Variants in MLLT10 observed in about 807,000 individuals in gnomAD.
MLLT10 encodes the protein MLLT10 histone lysine methyltransferase DOT1L cofactor, also known as protein AF-10.
In MLLT10, 30 loss-of-function variants were observed where a neutral mutation model predicts 129.1. The ratio of observed to expected loss-of-function variants is 0.23; its 90% confidence interval spans 0.17 to 0.32. The LOEUF (loss-of-function observed/expected upper bound fraction) is 0.32. Among genes scored for constraint, MLLT10 ranks in the 10% least tolerant of loss-of-function variants. The probability of loss-of-function intolerance (pLI) is 1.00; values close to 1 mark genes in which losing one functional copy is unlikely to be tolerated. For synonymous variants in MLLT10, 490 were observed against 446.4 expected, an observed-to-expected ratio of 1.10 and a Z score of -1.23; for missense variants, 1,119 against 1,268.3, an observed-to-expected ratio of 0.88 and a Z score of 1.79.
rs562378950 is a variant in MLLT10 at position 21,692,236 on chromosome 10, A to C, written c.1699+9979A>C. On this transcript the variant is annotated intron_variant, in intron 13 of 22. Coordinates refer to ENST00000307729, the MANE Select transcript of MLLT10 (RefSeq NM_001195626.3). ...ACTTCCATTCTAAGGAAATGTACAA[A>C]ATATGAAAAGACTAGACATACAGAG... is the stretch of plus-strand genomic sequence containing the variant. 2.0e-5 allele frequency among the ~76,000 whole-genome samples: 3 copies of C among 152,120 alleles called. No individual in the cohort carries two copies. The South Asian group carries it at 6.2e-4, about 32-fold the overall frequency.
intron 8 of MLLT10, among the ~76,000 whole-genome samples, chr10:21,633,051 C>T (rs189400714): frequency 1.3e-5 from 2 of 152,154 alleles, no homozygotes; most frequent in East Asian, 3.8e-4. Flanking sequence ...GATTGTTCAT[C>T]ACTATGGTAG....
In MLLT10 at chr10:21,553,015, G is replaced by A. The variant is rs1365292010; in HGVS notation, c.240+14103G>A. Among the ~76,000 whole-genome samples the A allele has an allele frequency of 3.3e-5, 5 of 152,012 alleles. No homozygotes were observed. In the South Asian group the frequency reaches 8.3e-4, roughly 25 times the overall value. On this transcript the variant is annotated intron_variant, in intron 3 of 22. Coordinates refer to ENST00000307729, the MANE Select transcript of MLLT10 (RefSeq NM_001195626.3). ...CTTAGGCTTGCTGGAGCATCCTAAG[G>A]AACATCCCTTCACCATTATCTTGGA...
At chr10:21,547,478 C>T in intron 3 of MLLT10, among the ~76,000 whole-genome samples, 1 of 150,174 alleles carries the variant, frequency 6.7e-6, no homozygotes, top group Middle Eastern at 3.4e-3. Context: ...TCATGTGATC[C>T]TCTCACCTTA....
chr10:21,580,887 T>C (rs1168602063), intron 3 of MLLT10, among the ~76,000 whole-genome samples: 2 of 148,274 alleles, frequency 1.3e-5, no homozygotes, highest in Non-Finnish European at 3.0e-5. Flanking sequence ...TTTTTTTTTT[T>C]TTTTTTAGTA....
chr10:21,632,948 C>A (rs1379334873), intron 8 of MLLT10, among the ~76,000 whole-genome samples: 2 of 151,998 alleles, frequency 1.3e-5, no homozygotes, highest in African/African-American at 4.8e-5. Flanking sequence ...ATAAATAAAT[C>A]TCTTAGGATC....
At chr10:21,566,004 G>A (rs1261523563) in intron 3 of MLLT10, among the ~76,000 whole-genome samples, 3 of 138,546 alleles carry the variant, frequency 2.2e-5, no homozygotes, top group Non-Finnish European at 4.5e-5. Flanking sequence ...CCTGGGTAGA[G>A]TGCAGTGGTA....
intron 14 of MLLT10, among the ~76,000 whole-genome samples, chr10:21,717,611 TTCCTCCTCTTCCTCC>T (rs1180022825): frequency 8.8e-6 from 1 of 113,640 alleles, no homozygotes; most frequent in Non-Finnish European, 1.8e-5. Flanking sequence ...CTTCCTCTTC[TTCCTCCTCTTCCTCC>T]TCCTCCTCCT....
In MLLT10 at chr10:21,586,275, TC is replaced by T. The variant is rs1214860062; in HGVS notation, c.241-18del. ...TAATCTGAAATATTCATTACCTGTT[TC>T]TTTTTTTTTTTTTATAGAGATGTGA... On this transcript the variant is annotated intron_variant, in intron 3 of 22. Transcript: ENST00000307729. 4.7e-6 allele frequency: 7 copies of T among 1,505,200 alleles called. No homozygotes were observed. Among genetic ancestry groups the T allele is most frequent in the South Asian group, 1.2e-5 (1 of 80,764 alleles). The allele number at this position is 1,505,200 out of a possible 1,614,324, so 93.2% of individuals were successfully genotyped here.
intron 8 of MLLT10, among the ~76,000 whole-genome samples, chr10:21,641,992 C>A (rs2048049390): frequency 6.6e-6 from 1 of 152,160 alleles, no homozygotes; most frequent in African/African-American, 2.4e-5. Context: ...GGATCATGGT[C>A]TAACACTTGA....
intron 3 of MLLT10, among the ~76,000 whole-genome samples, chr10:21,559,952 G>T (rs1291665943): frequency 6.6e-6 from 1 of 151,354 alleles, no homozygotes; most frequent in Non-Finnish European, 1.5e-5. Context: ...TTTTTTTTTG[G>T]GTCGGGTGGG....
chr10:21,703,614 C>T (rs1406696082), intron 13 of MLLT10, among the ~76,000 whole-genome samples: 7 of 151,878 alleles, frequency 4.6e-5, no homozygotes, highest in Non-Finnish European at 7.4e-5. Flanking sequence ...GCGCGATCTC[C>T]GCTCACTGCA....
chr10:21,637,420 C>G (rs1282061684), intron 8 of MLLT10, among the ~76,000 whole-genome samples: 1 of 152,190 alleles, frequency 6.6e-6, no homozygotes, highest in East Asian at 1.9e-4. Context: ...TGAAGAGACC[C>G]CACCATCCTT....
intron 3 of MLLT10, among the ~76,000 whole-genome samples, chr10:21,550,656 T>C (rs1257338876): frequency 6.6e-6 from 1 of 152,090 alleles, no homozygotes; most frequent in African/African-American, 2.4e-5. Flanking sequence ...CTTAGCCTTA[T>C]GAGTAGCTGG....
intron 3 of MLLT10, chr10:21,557,538 C>T (rs1000338199): frequency 1.2e-4 from 19 of 152,674 alleles, no homozygotes; most frequent in African/African-American, 4.6e-4. Context: ...ATATTTGTTC[C>T]CTCTTTCTCC....
Position 21,534,379 on chromosome 10 carries a change from G to C in MLLT10, c.-142G>C. On this transcript the variant is annotated 5_prime_UTR_variant, in exon 1 of 23. An upstream open reading frame in the 5' UTR loses its in-frame stop. Coordinates refer to ENST00000307729, the MANE Select transcript of MLLT10 (RefSeq NM_001195626.3). Reference sequence around the variant, plus strand: ...GTGCCCTCTCCGGGCGCCCGCGTTAGCGGCCGGGTGGAGGTGGGGAGGGAA... The same window carrying C: ...GTGCCCTCTCCGGGCGCCCGCGTTACCGGCCGGGTGGAGGTGGGGAGGGAA... The C allele has an allele frequency of 2.3e-6, 1 of 434,222 alleles. No individual in the cohort carries two copies. The highest frequency in any genetic ancestry group is 4.1e-6 in the Non-Finnish European group (1 of 244,500). The allele number at this position is 434,222 out of a possible 1,614,324, so 26.9% of individuals were successfully genotyped here.
At chr10:21,677,098 A>G (rs968442905) in intron 11 of MLLT10, among the ~76,000 whole-genome samples, 3 of 152,332 alleles carry the variant, frequency 2.0e-5, no homozygotes, top group African/African-American at 4.8e-5. Flanking sequence ...TGATGGAGAT[A>G]TGCATTTTCC....
At chr10:21,577,661 G>A (rs1412368250) in intron 3 of MLLT10, among the ~76,000 whole-genome samples, 1 of 151,724 alleles carries the variant, frequency 6.6e-6, no homozygotes, top group African/African-American at 2.4e-5. Flanking sequence ...TGTAGAGATG[G>A]GGTTTCACTA....
At chr10:21,713,514 C>T (rs987053501) in intron 13 of MLLT10, among the ~76,000 whole-genome samples, 10 of 152,288 alleles carry the variant, frequency 6.6e-5, no homozygotes, top group Non-Finnish European at 1.2e-4. Flanking sequence ...ATATTTTTTA[C>T]AAAGCTCTTT....
chr10:21,594,353 C>T (rs2042809607), intron 4 of MLLT10, among the ~76,000 whole-genome samples: 1 of 151,838 alleles, frequency 6.6e-6, no homozygotes. Context: ...AGTTCAAGAC[C>T]AGCCTGACCT....
Sources: gnomAD v4.1 joint callset for allele counts (sites outside exome capture counted in the v4.1 genomes callset) on GRCh38, gnomAD v4.1.1 for gene constraint, MANE v1.5 for transcripts, NCBI Gene and HGNC (gene_info 2026-07-23, HGNC 2026-07-21) for gene names.